ABHD5: variants seen among roughly 807,000 people sequenced by gnomAD.
ABHD5 encodes abhydrolase domain containing 5, lysophosphatidic acid acyltransferase, also known as 1-acylglycerol-3-phosphate O-acyltransferase ABHD5.
Under a neutral mutation model 44.9 loss-of-function variants are expected in ABHD5, and 30 were observed. That is an observed-to-expected ratio of 0.67 (90% confidence interval 0.50 to 0.91). The LOEUF is 0.91. Ranked by LOEUF, ABHD5 falls within the 40% of genes least tolerant of loss-of-function variation. ABHD5 has a pLI of 0.00. For synonymous variants in ABHD5, 167 were observed against 147.0 expected (o/e 1.14, Z -0.99); for missense variants, 399 against 423.4 (o/e 0.94, Z 0.50).
chr3:43,712,466 T>C (rs2084701314), intron 4 of ABHD5, among the ~76,000 whole-genome samples: 1 of 152,188 alleles, frequency 6.6e-6, no homozygotes, highest in Admixed American at 6.5e-5. Context: ...TTTATTTGAC[T>C]CTCAGCAGTT....
chr3:43,707,949 A>G (rs1051060579), intron 3 of ABHD5, among the ~76,000 whole-genome samples: 2 of 152,124 alleles, frequency 1.3e-5, no homozygotes, highest in African/African-American at 4.8e-5. Context: ...TTCTTGTTGC[A>G]TTATTTCTGA....
intron 1 of ABHD5, among the ~76,000 whole-genome samples, chr3:43,693,840 C>G (rs938608993): frequency 2.7e-5 from 4 of 150,824 alleles, no homozygotes; most frequent in Non-Finnish European, 5.9e-5. Flanking sequence ...TTTACTCAAA[C>G]GTGAACTGTC....
chr3:43,695,785 G>A (rs2084466374), intron 1 of ABHD5, among the ~76,000 whole-genome samples: 1 of 152,254 alleles, frequency 6.6e-6, no homozygotes. Flanking sequence ...GGAAAAAGTG[G>A]TGTCTATCTC....
chr3:43,702,732 C>A, intron 3 of ABHD5, 145 bp downstream of exon 3: 2 of 1,089,226 alleles, frequency 1.8e-6, no homozygotes, highest in Non-Finnish European at 2.8e-6. Context: ...CAACTGATGA[C>A]CAATATAGTA....
At chr3:43,728,484 G>A (rs1193491035) in intron 7 of ABHD5, among the ~76,000 whole-genome samples, 1 of 152,106 alleles carries the variant, frequency 6.6e-6, no homozygotes, top group African/African-American at 2.4e-5. Context: ...TCTTTAAGAG[G>A]TGATGTTCCT....
chr3:43,700,911 C>G (rs376622485), intron 2 of ABHD5, among the ~76,000 whole-genome samples: 22 of 152,082 alleles, frequency 1.4e-4, no homozygotes, highest in East Asian at 7.7e-4. Context: ...AACTTCTATT[C>G]CATATACTTG....
intron 3 of ABHD5, among the ~76,000 whole-genome samples, chr3:43,708,766 TA>T (rs2084653405): frequency 6.6e-6 from 1 of 152,250 alleles, no homozygotes; most frequent in Non-Finnish European, 1.5e-5. Context: ...TGTAGAGTTT[TA>T]AAAAATTATG....
upstream of ABHD5, chr3:43,690,889 C>G: frequency 7.7e-7 from 1 of 1,294,020 alleles, no homozygotes; most frequent in East Asian, 3.0e-5. Context: ...AAGACGCATG[C>G]GCTGGCGGCC....
At chr3:43,710,257 T>C (rs899813626) in intron 3 of ABHD5, among the ~76,000 whole-genome samples, 1 of 152,242 alleles carries the variant, frequency 6.6e-6, no homozygotes, top group Non-Finnish European at 1.5e-5. Flanking sequence ...ATGGTTATAT[T>C]CTACATATGT....
intron 1 of ABHD5, among the ~76,000 whole-genome samples, chr3:43,695,339 A>G (rs1230141274): frequency 1.3e-5 from 2 of 152,140 alleles, no homozygotes; most frequent in East Asian, 3.8e-4. Flanking sequence ...CATACCTGTA[A>G]TTCATTTGGA....
At chr3:43,705,698 C>G (rs2084609897) in intron 3 of ABHD5, among the ~76,000 whole-genome samples, 2 of 152,072 alleles carry the variant, frequency 1.3e-5, no homozygotes, top group African/African-American at 2.4e-5. Flanking sequence ...TAGCTTTTTT[C>G]CTTCATTGCT....
At chr3:43,731,459 G>T (rs2084911999) in intron 7 of ABHD5, among the ~76,000 whole-genome samples, 1 of 152,210 alleles carries the variant, frequency 6.6e-6, no homozygotes, top group South Asian at 2.1e-4. Flanking sequence ...TCTTGAACAT[G>T]CAAACACTCA....
chr3:43,705,439 G>T (rs1341648728), intron 3 of ABHD5, among the ~76,000 whole-genome samples: 1 of 152,076 alleles, frequency 6.6e-6, no homozygotes, highest in African/African-American at 2.4e-5. Context: ...TAGTGAGAAT[G>T]TTTCTTCTAA....
chr3:43,720,757 C>G lies in ABHD5; in HGVS notation c.*2225C>G, dbSNP rs949639116. On this transcript the variant is annotated 3_prime_UTR_variant, in exon 7 of 7. Coordinates refer to ENST00000644371, the MANE Select transcript of ABHD5 (RefSeq NM_016006.6). The stretch of plus-strand genomic sequence containing the variant: ...GGACCAGTCTCTGTATAATAGTTAA[C>G]TACAGGACTGTGGATCCAGCAAATG... 3.3e-5 allele frequency: 5 copies of G among 152,162 alleles called. No individual in the cohort carries two copies. The highest frequency in any genetic ancestry group is 5.9e-5 in the Non-Finnish European group (4 of 68,042). The allele number at this position is 152,162 out of a possible 1,614,324, so 9.4% of individuals were successfully genotyped here. A position where few individuals can be genotyped will look rare whatever the true frequency, so the allele number is the denominator to read the frequency against.
At chr3:43,731,717 A>G (rs991292085) in intron 7 of ABHD5, among the ~76,000 whole-genome samples, 28 of 152,160 alleles carry the variant, frequency 1.8e-4, no homozygotes, top group African/African-American at 6.5e-4. Flanking sequence ...CTGTAATCCC[A>G]ACTACTCAGG....
intron 1 of ABHD5, among the ~76,000 whole-genome samples, chr3:43,698,624 G>A (rs532794733): frequency 6.6e-6 from 1 of 152,248 alleles, no homozygotes; most frequent in African/African-American, 2.4e-5. Flanking sequence ...TCTTTGTTGT[G>A]CTGTCTTCTG....
At chr3:43,726,052 G>A (rs1258390592), downstream of ABHD5, among the ~76,000 whole-genome samples, 6 of 152,052 alleles carry the variant, frequency 3.9e-5, no homozygotes, top group East Asian at 1.2e-3. Context: ...TTTTAGTAGA[G>A]ACAGGGTTTC....
intron 3 of ABHD5, among the ~76,000 whole-genome samples, chr3:43,711,453 T>A (rs2084687362): frequency 1.3e-5 from 2 of 152,354 alleles, no homozygotes; most frequent in South Asian, 4.1e-4. Flanking sequence ...AGTTCTGTAC[T>A]CTATATATCT....
At chr3:43,699,041 C>G (rs149823149) in intron 1 of ABHD5, among the ~76,000 whole-genome samples, 1 of 152,290 alleles carries the variant, frequency 6.6e-6, no homozygotes, top group East Asian at 1.9e-4. Context: ...ATCTGACTAT[C>G]CATGAATAAG....
Sources: gnomAD v4.1 joint callset for allele counts (sites outside exome capture counted in the v4.1 genomes callset) on GRCh38, gnomAD v4.1.1 for gene constraint, MANE v1.5 for transcripts, NCBI Gene and HGNC (gene_info 2026-07-23, HGNC 2026-07-21) for gene names.